Variants in AHCYL2 observed in about 807,000 individuals in gnomAD.
AHCYL2 encodes S-adenosylhomocysteine hydrolase-like protein 2.
Under a neutral mutation model 81.4 loss-of-function variants are expected in AHCYL2, and 28 were observed. The observed-to-expected ratio is 0.34, with a 90% CI of 0.25 to 0.47. The LOEUF (loss-of-function observed/expected upper bound fraction) is 0.47. AHCYL2 is among the 20% of genes least tolerant of loss of function. The pLI is 1.00. For synonymous variants in AHCYL2, 272 were observed against 290.2 expected, an observed-to-expected ratio of 0.94 and a Z score of 0.64; for missense variants, 551 against 785.1, an observed-to-expected ratio of 0.70 and a Z score of 3.56.
chr7:129,278,689 C>A (rs1410151001), intron 1 of AHCYL2, among the ~76,000 whole-genome samples: 1 of 149,222 alleles, frequency 6.7e-6, no homozygotes, highest in Non-Finnish European at 1.5e-5. Context: ...CTTTATAATT[C>A]TGGCTTAACA....
At chr7:129,315,246 G>A (rs1227905073) in intron 1 of AHCYL2, among the ~76,000 whole-genome samples, 1 of 151,758 alleles carries the variant, frequency 6.6e-6, no homozygotes, top group East Asian at 1.9e-4. Flanking sequence ...TTCCCTTTTT[G>A]TATTTCTATA....
intron 1 of AHCYL2, among the ~76,000 whole-genome samples, chr7:129,277,354 T>C (rs2150735425): frequency 6.6e-6 from 1 of 150,670 alleles, no homozygotes; most frequent in South Asian, 2.2e-4. Flanking sequence ...CTTAGCTCAC[T>C]GCAACCTCCG....
chr7:129,342,865 GT>G (rs1208842625), intron 1 of AHCYL2, among the ~76,000 whole-genome samples: 4 of 151,992 alleles, frequency 2.6e-5, no homozygotes, highest in Non-Finnish European at 5.9e-5. Flanking sequence ...AATATTACAC[GT>G]TATGTGTTAC....
At chr7:129,246,255 T>C (rs1795052619) in intron 1 of AHCYL2, among the ~76,000 whole-genome samples, 1 of 152,064 alleles carries the variant, frequency 6.6e-6, no homozygotes, top group African/African-American at 2.4e-5. Flanking sequence ...ACAGGGTTTC[T>C]CCATGTTGGT....
At chr7:129,322,131 A>G (rs1041926018) in intron 1 of AHCYL2, among the ~76,000 whole-genome samples, 10 of 148,590 alleles carry the variant, frequency 6.7e-5, no homozygotes, top group Admixed American at 1.3e-4. Flanking sequence ...GTGTGTGTGT[A>G]TAGGAAGGTA....
intron 1 of AHCYL2, among the ~76,000 whole-genome samples, chr7:129,341,930 A>C (rs901877261): frequency 6.6e-6 from 1 of 152,226 alleles, no homozygotes; most frequent in Non-Finnish European, 1.5e-5. Context: ...AGGAGCATGG[A>C]CTACAAGTCT....
chr7:129,425,196 T>C (rs2150970933), intron 15 of AHCYL2, 55 bp downstream of exon 15: 1 of 1,532,602 alleles, frequency 6.5e-7, no homozygotes, highest in Non-Finnish European at 9.0e-7. Context: ...GAGTCTGAGG[T>C]TAAAGGAAGT....
At chr7:129,341,624 G>A (rs1054829118) in intron 1 of AHCYL2, among the ~76,000 whole-genome samples, 8 of 152,164 alleles carry the variant, frequency 5.3e-5, no homozygotes, top group Non-Finnish European at 8.8e-5. Flanking sequence ...GAGATCTGGC[G>A]GCGGCAGTGG....
chr7:129,358,156 G>A (rs973367919), intron 1 of AHCYL2, among the ~76,000 whole-genome samples: 1 of 151,488 alleles, frequency 6.6e-6, no homozygotes, highest in Non-Finnish European at 1.5e-5. Flanking sequence ...CACTTTGGGA[G>A]GCCGAGGTGG....
At position 129,322,763 on chromosome 7, in the gene AHCYL2, G is replaced by A. The variant is rs148067761; in HGVS notation, c.364-56875G>A. On this transcript the variant is annotated intron_variant, in intron 1 of 16. Coordinates refer to ENST00000325006, the MANE Select transcript of AHCYL2 (RefSeq NM_015328.4). The stretch of plus-strand genomic sequence containing the variant: ...TGCATCACCATGCCAGGCTAATTTC[G>A]TATTTTTTTAGGGGTGGGGTTTTGC... Among the ~76,000 whole-genome samples, 320 of 152,000 alleles carry A rather than the reference G, an allele frequency of 2.1e-3. 2 individuals are homozygous for A. The highest frequency in any genetic ancestry group is 7.3e-3 in the African/African-American group (301 of 41,472).
chr7:129,404,661 G>A (rs942566632), intron 7 of AHCYL2, among the ~76,000 whole-genome samples: 2 of 152,190 alleles, frequency 1.3e-5, no homozygotes, highest in African/African-American at 2.4e-5. Context: ...GACAACAAGA[G>A]TGAGACTCCA....
In AHCYL2 at chr7:129,368,546, T is replaced by C; in HGVS notation, c.364-11092T>C. 1 of 1,613,948 alleles carries C rather than the reference T, an allele frequency of 6.2e-7. No individual in the cohort carries two copies. The highest frequency in any genetic ancestry group is 1.7e-5 in the Admixed American group (1 of 60,018). On this transcript the variant is annotated intron_variant, in intron 1 of 16. Transcript: ENST00000325006. The surrounding 1 kb of genome is among the most constrained non-coding windows in gnomAD (Gnocchi z 4.4). Reference sequence around the variant, plus strand: ...CACCTCAGCTTTTCACATGCCTGAGTGGATGGTGAGTTCACTGGTCGTTTT... The same window carrying C: ...CACCTCAGCTTTTCACATGCCTGAGCGGATGGTGAGTTCACTGGTCGTTTT...
intron 1 of AHCYL2, chr7:129,367,991 G>T: frequency 3.5e-6 from 2 of 572,828 alleles, no homozygotes; most frequent in Non-Finnish European, 4.4e-6. Flanking sequence ...CCTGTTTACT[G>T]ATCCAAATCA....
intron 1 of AHCYL2, among the ~76,000 whole-genome samples, chr7:129,227,342 A>T (rs1794261130): frequency 1.3e-5 from 2 of 151,990 alleles, no homozygotes; most frequent in Non-Finnish European, 2.9e-5. Flanking sequence ...TAAAGAAATT[A>T]AAAAATCATG....
At chr7:129,358,289 G>A (rs1017260939) in intron 1 of AHCYL2, among the ~76,000 whole-genome samples, 2 of 152,068 alleles carry the variant, frequency 1.3e-5, no homozygotes, top group Non-Finnish European at 2.9e-5. Flanking sequence ...CTACTCGGGA[G>A]GCTGAGGCAG....
chr7:129,338,394 ATCC>A (rs1325669472), intron 1 of AHCYL2, among the ~76,000 whole-genome samples: 1 of 151,998 alleles, frequency 6.6e-6, no homozygotes, highest in Admixed American at 6.6e-5. Context: ...GCCTCAAGTG[ATCC>A]TCCTGCCTTG....
chr7:129,325,121 C>T (rs1311265491), intron 1 of AHCYL2, among the ~76,000 whole-genome samples: 11 of 151,962 alleles, frequency 7.2e-5, no homozygotes. Flanking sequence ...TGGTACTTTT[C>T]ATTCTTTTGT....
intron 2 of AHCYL2, among the ~76,000 whole-genome samples, chr7:129,386,003 A>G (rs960802557): frequency 3.9e-5 from 6 of 152,224 alleles, no homozygotes; most frequent in Non-Finnish European, 7.3e-5. Flanking sequence ...TTATTCATTT[A>G]TTTATAATTC....
intron 1 of AHCYL2, among the ~76,000 whole-genome samples, chr7:129,281,662 T>G (rs529074893): frequency 6.6e-6 from 1 of 152,030 alleles, no homozygotes; most frequent in East Asian, 1.9e-4. Flanking sequence ...CATCCCTGGC[T>G]AATTTTTGCA....
Sources: gnomAD v4.1 joint callset for allele counts (sites outside exome capture counted in the v4.1 genomes callset) on GRCh38, gnomAD v4.1.1 for gene constraint, Gnocchi (gnomAD v3.1) non-coding constraint, MANE v1.5 for transcripts, NCBI Gene and HGNC (gene_info 2026-07-23, HGNC 2026-07-21) for gene names.